Variants in DLGAP1 observed in about 807,000 individuals in gnomAD.
DLGAP1 encodes disks large-associated protein 1.
A neutral mutation model predicts 90.8 loss-of-function variants in DLGAP1; 11 were observed. The observed-to-expected ratio is 0.12, with a 90% CI of 0.08 to 0.20. The LOEUF is 0.20. Among genes scored for constraint, DLGAP1 ranks in the 10% least tolerant of loss-of-function variants. DLGAP1 has a pLI of 1.00. For missense variants in DLGAP1, 1,050 were observed against 1,333.8 expected (o/e 0.79, Z 3.31); for synonymous variants, 558 against 540.7 (o/e 1.03, Z -0.44).
intron 7 of DLGAP1, among the ~76,000 whole-genome samples, chr18:3,598,585 A>G (rs899612393): frequency 6.7e-6 from 1 of 148,184 alleles, no homozygotes; most frequent in Non-Finnish European, 1.5e-5. Context: ...CTCCTGACTC[A>G]GCCTCCCTAG....
At chr18:4,032,470 C>G (rs367585914) in intron 2 of DLGAP1, among the ~76,000 whole-genome samples, 1 of 152,102 alleles carries the variant, frequency 6.6e-6, no homozygotes, top group Non-Finnish European at 1.5e-5. Context: ...CAAGACATAA[C>G]AAAGCTAAGT....
intron 1 of DLGAP1, among the ~76,000 whole-genome samples, chr18:4,404,151 C>T (rs1462418791): frequency 6.6e-6 from 1 of 152,156 alleles, no homozygotes; most frequent in East Asian, 1.9e-4. Flanking sequence ...AAAAATGTTC[C>T]TTATCCAACA....
chr18:4,316,336 C>T lies in DLGAP1; in HGVS notation c.-267+138670G>A, dbSNP rs1041961331. ...ACAAGTTCTGGTTGCCATGCACAGCCGTACACTATAGAAAACAAGTGGCTC... is the reference window on the plus strand; with the variant it reads ...ACAAGTTCTGGTTGCCATGCACAGCTGTACACTATAGAAAACAAGTGGCTC... On this transcript the variant is annotated intron_variant, in intron 1 of 12. Transcript: ENST00000315677. Among the ~76,000 whole-genome samples, 6 of 152,306 alleles carry T rather than the reference C, an allele frequency of 3.9e-5. No homozygotes were observed. The South Asian group carries it at 6.2e-4, about 16-fold the overall frequency.
intron 1 of DLGAP1, among the ~76,000 whole-genome samples, chr18:4,315,055 C>G (rs2080493387): frequency 6.6e-6 from 1 of 152,112 alleles, no homozygotes; most frequent in African/African-American, 2.4e-5. Flanking sequence ...TAGGTATTAA[C>G]TTATAATTTA....
At chr18:3,622,250 GC>G (rs2058123357) in intron 7 of DLGAP1, among the ~76,000 whole-genome samples, 1 of 151,662 alleles carries the variant, frequency 6.6e-6, no homozygotes, top group African/African-American at 2.4e-5. Context: ...GACTACAGGC[GC>G]CCACCAACAC....
At chr18:3,733,687 A>C (rs1430395349) in intron 6 of DLGAP1, among the ~76,000 whole-genome samples, 1 of 152,140 alleles carries the variant, frequency 6.6e-6, no homozygotes, top group Non-Finnish European at 1.5e-5. Flanking sequence ...TTTAGAGCTC[A>C]TTGTCTAGTA....
rs113806180 is a variant in DLGAP1 at position 3,935,332 on chromosome 18, T to G, written c.-72-55192A>C. On this transcript the variant is annotated intron_variant, in intron 3 of 12. Transcript: ENST00000315677. Reference sequence around the variant, plus strand: ...GCTCAAACAAAGACTTGAAGATTAATTAAGTGTTGGAATTTAATTCAATAG... The same window carrying G: ...GCTCAAACAAAGACTTGAAGATTAAGTAAGTGTTGGAATTTAATTCAATAG... Among the ~76,000 whole-genome samples, 278 of 152,322 alleles carry G rather than the reference T, an allele frequency of 1.8e-3. 2 individuals are homozygous for G. The highest frequency in any genetic ancestry group is 6.3e-3 in the African/African-American group (262 of 41,580).
chr18:4,064,939 G>C (rs2143359843), intron 2 of DLGAP1, among the ~76,000 whole-genome samples: 1 of 152,176 alleles, frequency 6.6e-6, no homozygotes, highest in Admixed American at 6.5e-5. Flanking sequence ...ACAAAATACT[G>C]AAAAATCAAA....
At chr18:3,766,693 G>A (rs571831257) in intron 5 of DLGAP1, among the ~76,000 whole-genome samples, 9 of 152,042 alleles carry the variant, frequency 5.9e-5, no homozygotes, top group Admixed American at 3.3e-4. Context: ...CTTTAAACGC[G>A]GAAATTAAAC....
intron 3 of DLGAP1, among the ~76,000 whole-genome samples, chr18:3,939,951 C>G (rs1227357626): frequency 6.6e-6 from 1 of 152,178 alleles, no homozygotes; most frequent in Non-Finnish European, 1.5e-5. Context: ...CAATCACTGC[C>G]TCCTACTATT....
intron 4 of DLGAP1, among the ~76,000 whole-genome samples, chr18:3,860,101 A>AAAAAAAAT (rs138109890): frequency 1.4e-5 from 2 of 144,292 alleles, no homozygotes; most frequent in African/African-American, 5.2e-5. Context: ...TCTGTCTCAA[A>AAAAAAAAT]AAATAAATAA....
intron 1 of DLGAP1, among the ~76,000 whole-genome samples, chr18:4,177,115 G>C (rs1167417126): frequency 6.6e-6 from 1 of 152,096 alleles, no homozygotes; most frequent in East Asian, 1.9e-4. Flanking sequence ...ACACATGCCA[G>C]TGGCAGATTG....
At chr18:3,945,819 G>A (rs1458015205) in intron 3 of DLGAP1, among the ~76,000 whole-genome samples, 1 of 151,998 alleles carries the variant, frequency 6.6e-6, no homozygotes, top group Non-Finnish European at 1.5e-5. Flanking sequence ...GCTCTTTAAA[G>A]CAATGGTTTC....
intron 1 of DLGAP1, among the ~76,000 whole-genome samples, chr18:4,159,573 C>G (rs753205368): frequency 7.9e-5 from 12 of 152,250 alleles, no homozygotes; most frequent in Middle Eastern, 3.4e-3. Flanking sequence ...GAAAGCTCCC[C>G]ACGGAATGAA....
intron 1 of DLGAP1, among the ~76,000 whole-genome samples, chr18:4,214,710 T>C (rs1207407168): frequency 1.3e-5 from 2 of 152,188 alleles, no homozygotes; most frequent in African/African-American, 4.8e-5. Context: ...TTGACCACTA[T>C]ATAGATACAT....
At chr18:4,182,810 A>G (rs2077230617) in intron 1 of DLGAP1, among the ~76,000 whole-genome samples, 1 of 152,178 alleles carries the variant, frequency 6.6e-6, no homozygotes, top group African/African-American at 2.4e-5. Flanking sequence ...ATGCTGGACC[A>G]TGGACAGGTA....
chr18:3,902,077 A>G (rs2071796458), intron 3 of DLGAP1, among the ~76,000 whole-genome samples: 1 of 152,192 alleles, frequency 6.6e-6, no homozygotes, highest in Non-Finnish European at 1.5e-5. Context: ...ACCAGCATTG[A>G]ATTTCACAGT....
intron 7 of DLGAP1, among the ~76,000 whole-genome samples, chr18:3,709,007 T>G (rs1448136163): frequency 1.3e-5 from 2 of 152,186 alleles, no homozygotes; most frequent in African/African-American, 2.4e-5. Flanking sequence ...CAGAAAAAAA[T>G]TTACAAAGTC....
At chr18:4,245,030 A>G (rs1352539474) in intron 1 of DLGAP1, among the ~76,000 whole-genome samples, 1 of 152,176 alleles carries the variant, frequency 6.6e-6, no homozygotes, top group Non-Finnish European at 1.5e-5. Flanking sequence ...GCCATTTTAT[A>G]GGTTAAAAGT....
Sources: allele counts gnomAD v4.1 joint callset (sites outside exome capture counted in the v4.1 genomes callset), GRCh38; gene constraint gnomAD v4.1.1; transcripts MANE v1.5; gene names NCBI Gene and HGNC (gene_info 2026-07-23, HGNC 2026-07-21).